The following MTHFD2L variants were observed in gnomAD, a reference collection of about 807,000 sequenced individuals.
MTHFD2L encodes the protein bifunctional methylenetetrahydrofolate dehydrogenase/cyclohydrolase 2, mitochondrial.
Under a neutral mutation model 34.9 loss-of-function variants are expected in MTHFD2L, and 29 were observed. That is an observed-to-expected ratio of 0.83 (90% confidence interval 0.62 to 1.13). The LOEUF is 1.13. Among genes scored for constraint, MTHFD2L ranks in the 50% most tolerant of loss-of-function variants. The probability of loss-of-function intolerance (pLI) is 0.00; values close to 1 mark genes in which losing one functional copy is unlikely to be tolerated. For missense variants in MTHFD2L, 481 were observed against 446.5 expected, an observed-to-expected ratio of 1.08 and a Z score of -0.70; for synonymous variants, 167 against 155.7, an observed-to-expected ratio of 1.07 and a Z score of -0.54.
intron 6 of MTHFD2L, among the ~76,000 whole-genome samples, chr4:74,277,100 A>C (rs1441264971): frequency 6.6e-6 from 1 of 151,970 alleles, no homozygotes; most frequent in Non-Finnish European, 1.5e-5. Context: ...CAGTACCTCT[A>C]TTGCTTGCAT....
intron 6 of MTHFD2L, among the ~76,000 whole-genome samples, chr4:74,271,755 TTGGGCAGTATGGCCATTTTCACAATA>T (rs1746022546): frequency 6.6e-6 from 1 of 152,196 alleles, no homozygotes; most frequent in South Asian, 2.1e-4. Context: ...ATAAATTACC[TTGGGCAGTATGGCCATTTTCACAATA>T]TTGATTCTTC....
At chr4:74,129,730 G>T (rs1347910128) in intron 1 of MTHFD2L, among the ~76,000 whole-genome samples, 1 of 151,732 alleles carries the variant, frequency 6.6e-6, no homozygotes, top group Non-Finnish European at 1.5e-5. Context: ...AAATAACTAA[G>T]ATCAGAATAG....
intron 1 of MTHFD2L, among the ~76,000 whole-genome samples, chr4:74,165,970 T>C (rs1447750416): frequency 6.6e-6 from 1 of 152,236 alleles, no homozygotes; most frequent in African/African-American, 2.4e-5. Flanking sequence ...CATATTTAGA[T>C]AGGGGAAAAT....
chr4:74,190,610 G>A (rs769406941), intron 3 of MTHFD2L: 1 of 673,764 alleles, frequency 1.5e-6, no homozygotes, highest in Non-Finnish European at 1.8e-6. Flanking sequence ...TTCCTTTTCT[G>A]TCCCCTTGTC....
intron 6 of MTHFD2L, among the ~76,000 whole-genome samples, chr4:74,256,873 A>C (rs1744094528): frequency 6.6e-6 from 1 of 152,146 alleles, no homozygotes; most frequent in Non-Finnish European, 1.5e-5. Context: ...GGTAATGTAG[A>C]GTTTGAAATC....
At chr4:74,147,213 T>C (rs899144673) in intron 1 of MTHFD2L, among the ~76,000 whole-genome samples, 1 of 152,154 alleles carries the variant, frequency 6.6e-6, no homozygotes, top group African/African-American at 2.4e-5. Flanking sequence ...CTTTTCTTTT[T>C]TTTCTCCCAT....
chr4:74,209,136 C>T (rs7676371), intron 5 of MTHFD2L, among the ~76,000 whole-genome samples: 97,957 of 151,944 alleles, frequency 0.64, 33,823 homozygotes, highest in Middle Eastern at 0.8. Flanking sequence ...AGACCTTTTA[C>T]CAGTTTGCAC....
At chr4:74,160,034 G>A (rs1163298325) in intron 1 of MTHFD2L, 1 of 1,280,046 alleles carries the variant, frequency 7.8e-7, no homozygotes, top group Non-Finnish European at 1.0e-6. Flanking sequence ...GATGCTTATT[G>A]GTGTCTCTTT....
chr4:74,162,119 CG>C (rs1253460149), intron 1 of MTHFD2L: 5 of 152,084 alleles, frequency 3.3e-5, no homozygotes, highest in African/African-American at 9.7e-5. Context: ...GAATTCAGGG[CG>C]GGATATTATC....
At chr4:74,180,757 G>A (rs1729991834) in intron 3 of MTHFD2L, 1 of 440,528 alleles carries the variant, frequency 2.3e-6, no homozygotes, top group Non-Finnish European at 4.6e-6. Context: ...TCTTTGTCCA[G>A]TAGCTGACCC....
chr4:74,200,342 GA>G (rs544570005), intron 4 of MTHFD2L, among the ~76,000 whole-genome samples: 154 of 149,736 alleles, frequency 1.0e-3, no homozygotes, highest in Admixed American at 1.5e-3. Context: ...AAAACAAACA[GA>G]AAAAAAAATC....
chr4:74,155,909 TAAAAAA>T (rs60044806), upstream of MTHFD2L, among the ~76,000 whole-genome samples: 2 of 143,108 alleles, frequency 1.4e-5, no homozygotes, highest in African/African-American at 2.5e-5. Flanking sequence ...CCATGTGATT[TAAAAAA>T]AAAAAAAAAC....
chr4:74,222,520 G>C (rs577537333), intron 5 of MTHFD2L, among the ~76,000 whole-genome samples: 5 of 152,138 alleles, frequency 3.3e-5, no homozygotes, highest in Admixed American at 6.6e-5. Context: ...CCTGTTAAAG[G>C]TTCCACCTCT....
intron 7 of MTHFD2L, among the ~76,000 whole-genome samples, chr4:74,298,474 C>T (rs1749894798): frequency 6.6e-6 from 1 of 151,946 alleles, no homozygotes; most frequent in South Asian, 2.1e-4. Flanking sequence ...ATTCCCATTC[C>T]CTCCTCCTCC....
At chr4:74,115,480 C>T (rs1027286835) in intron 2 of MTHFD2L, among the ~76,000 whole-genome samples, 10 of 152,236 alleles carry the variant, frequency 6.6e-5, no homozygotes, top group Non-Finnish European at 1.3e-4. Context: ...TGTTGACACA[C>T]TAGTTTGTAT....
intron 3 of MTHFD2L, among the ~76,000 whole-genome samples, chr4:74,185,767 A>G (rs1241718872): frequency 2.6e-5 from 4 of 152,220 alleles, no homozygotes; most frequent in African/African-American, 9.6e-5. Context: ...TTGACTTTGT[A>G]GTTCAAATCC....
chr4:74,277,447 TC>T (rs1274890304), intron 6 of MTHFD2L, among the ~76,000 whole-genome samples: 1 of 151,918 alleles, frequency 6.6e-6, no homozygotes, highest in Non-Finnish European at 1.5e-5. Flanking sequence ...GATGCCCCAT[TC>T]TAGAACTACA....
At chr4:74,224,179 C>A (rs1349491163) in intron 5 of MTHFD2L, 1 of 152,126 alleles carries the variant, frequency 6.6e-6, no homozygotes, top group Non-Finnish European at 1.5e-5. Flanking sequence ...CTAAACTATA[C>A]TGGGTCCCGG....
At chr4:74,269,356 T>C (rs1352434858) in intron 6 of MTHFD2L, among the ~76,000 whole-genome samples, 1 of 152,098 alleles carries the variant, frequency 6.6e-6, no homozygotes, top group Non-Finnish European at 1.5e-5. Flanking sequence ...GATAATATTA[T>C]AGGTATGTAA....
Sources: allele counts gnomAD v4.1 joint callset (sites outside exome capture counted in the v4.1 genomes callset), GRCh38; gene constraint gnomAD v4.1.1; transcripts MANE v1.5; gene names NCBI Gene and HGNC (gene_info 2026-07-23, HGNC 2026-07-21).